Variants in GABRP observed in about 807,000 individuals in gnomAD.
GABRP encodes the protein gamma-aminobutyric acid receptor subunit pi.
In GABRP, 52 loss-of-function variants were observed where a neutral mutation model predicts 47.8. That is an observed-to-expected ratio of 1.09 (90% CI 0.87 to 1.37). The LOEUF (loss-of-function observed/expected upper bound fraction) is 1.37. Among genes scored for constraint, GABRP ranks in the 40% most tolerant of loss-of-function variants. The pLI is 0.00. For missense variants in GABRP, 525 were observed against 542.8 expected, an observed-to-expected ratio of 0.97 and a Z score of 0.33; for synonymous variants, 221 against 205.8, an observed-to-expected ratio of 1.07 and a Z score of -0.63.
intron 5 of GABRP, among the ~76,000 whole-genome samples, chr5:170,795,877 T>A (rs1295091557): frequency 6.6e-6 from 1 of 152,194 alleles, no homozygotes; most frequent in African/African-American, 2.4e-5. Context: ...TGGGGCCCAG[T>A]GGAACTGCAG....
intron 6 of GABRP, among the ~76,000 whole-genome samples, chr5:170,802,746 G>C (rs1274701770): frequency 6.8e-6 from 1 of 146,496 alleles, no homozygotes; most frequent in Non-Finnish European, 1.5e-5. Flanking sequence ...CCAGTGAGCG[G>C]AGGGAGCTTT....
chr5:170,811,322 C>T (rs1765877949), intron 9 of GABRP, among the ~76,000 whole-genome samples: 1 of 151,656 alleles, frequency 6.6e-6, no homozygotes, highest in South Asian at 2.1e-4. Flanking sequence ...GACTTCACTA[C>T]ACTCCCACAT....
intron 1 of GABRP, among the ~76,000 whole-genome samples, chr5:170,785,905 A>T (rs1021083288): frequency 6.6e-6 from 1 of 152,048 alleles, no homozygotes; most frequent in African/African-American, 2.4e-5. Flanking sequence ...GAGGGCCCCC[A>T]CTCTCCTTTG....
Position 170,812,341 on chromosome 5 carries a change from C to G in GABRP, c.*83C>G. ...AATGGTATTTTAGGCCAAGTGTGCA[C>G]CCACATCCAATGGTGCTACAAGTGA... On this transcript the variant is annotated 3_prime_UTR_variant, in exon 10 of 10. Transcript: ENST00000265294. The G allele has an allele frequency of 4.7e-6, 5 of 1,057,640 alleles. No individual in the cohort carries two copies. The highest frequency in any genetic ancestry group is 7.0e-6 in the Non-Finnish European group (5 of 714,376). 65.5% of individuals were successfully genotyped at this position (1,057,640 alleles called of 1,614,324 possible). A position where few individuals can be genotyped will look rare whatever the true frequency, so the allele number is the denominator to read the frequency against.
intron 4 of GABRP, 39 bp downstream of exon 4, chr5:170,794,337 T>C (rs752968026): frequency 5.8e-6 from 6 of 1,027,282 alleles, no homozygotes; most frequent in Non-Finnish European, 7.4e-6. Context: ...AAGTAGTCCC[T>C]CTCTGTGTGT....
At position 170,788,562 on chromosome 5, in the gene GABRP, CCT is replaced by C. The variant is rs1765183347; in HGVS notation, c.-42-11_-42-10del. ...GCACGGCCTTCCACTTACCTTGCCC[CCT>C]GTTTCCCAGGTGATTCCTACTTCAG... On this transcript the variant is annotated splice_polypyrimidine_tract_variant and intron_variant, in intron 1 of 9. Transcript: ENST00000265294. 4 of 1,592,314 alleles carry C rather than the reference CCT, an allele frequency of 2.5e-6. No individual in the cohort carries two copies. The Admixed American group carries it at 5.0e-5, about 20-fold the overall frequency.
upstream of GABRP, chr5:170,783,598 AG>A (rs1765057353): frequency 1.5e-5 from 1 of 66,628 alleles, no homozygotes; most frequent in Non-Finnish European, 4.0e-5. Flanking sequence ...CCAGAAACTC[AG>A]GACCAGACGA....
At chr5:170,785,865 G>C (rs1358041897) in intron 1 of GABRP, among the ~76,000 whole-genome samples, 1 of 152,212 alleles carries the variant, frequency 6.6e-6, no homozygotes, top group African/African-American at 2.4e-5. Flanking sequence ...GAGGCCGTGG[G>C]CAAGCCTGCA....
At chr5:170,810,066 G>T in intron 9 of GABRP, 1 of 645,800 alleles carries the variant, frequency 1.5e-6, no homozygotes, top group Non-Finnish European at 2.8e-6. Flanking sequence ...AAAAAAACAT[G>T]ATCAGCTGCT....
chr5:170,811,897 C>G, intron 9 of GABRP, 59 bp from the exon 10 acceptor site: 1 of 1,466,668 alleles, frequency 6.8e-7, no homozygotes, highest in Non-Finnish European at 9.4e-7. Flanking sequence ...AGCTCATTAC[C>G]TACTTATTTA....
Position 170,809,355 on chromosome 5 carries a change from C to T in GABRP, c.833-213C>T, listed in dbSNP as rs116631049. Reference sequence around the variant, plus strand: ...CACCCCCTCCCAGGAGAAGACAGAACGTGAAACATTAAAAAAAAACACATC... The same window carrying T: ...CACCCCCTCCCAGGAGAAGACAGAATGTGAAACATTAAAAAAAAACACATC... On this transcript the variant is annotated intron_variant, in intron 8 of 9. Transcript: ENST00000265294. Among the ~76,000 whole-genome samples, 1,061 of 152,108 alleles carry T rather than the reference C, an allele frequency of 7.0e-3. 17 individuals are homozygous for T. Among genetic ancestry groups the T allele is most frequent in the African/African-American group, 0.024 (989 of 41,478 alleles).
At chr5:170,799,045 C>T (rs1765517229) in intron 6 of GABRP, among the ~76,000 whole-genome samples, 1 of 150,088 alleles carries the variant, frequency 6.7e-6, no homozygotes, top group African/African-American at 2.5e-5. Flanking sequence ...GTTTTTTGTC[C>T]TTGTGATAGT....
At chr5:170,798,217 A>AT (rs1326327402) in intron 6 of GABRP, among the ~76,000 whole-genome samples, 1 of 151,992 alleles carries the variant, frequency 6.6e-6, no homozygotes, top group East Asian at 1.9e-4. Context: ...AATTTTTTGT[A>AT]TTTTTAGTAG....
At chr5:170,791,245 G>C (rs950678269) in intron 3 of GABRP, among the ~76,000 whole-genome samples, 1 of 152,230 alleles carries the variant, frequency 6.6e-6, no homozygotes, top group Non-Finnish European at 1.5e-5. Flanking sequence ...GGTGAAAATG[G>C]GGCATGGAGT....
At chr5:170,798,110 C>T (rs1027226155) in intron 6 of GABRP, among the ~76,000 whole-genome samples, 19 of 152,236 alleles carry the variant, frequency 1.2e-4, no homozygotes, top group African/African-American at 4.3e-4. Context: ...GGCGCGATCT[C>T]GGCTCACTGC....
intron 6 of GABRP, among the ~76,000 whole-genome samples, chr5:170,803,301 T>C (rs1765643049): frequency 6.6e-6 from 1 of 152,202 alleles, no homozygotes; most frequent in Non-Finnish European, 1.5e-5. Flanking sequence ...CATTTCCCAG[T>C]AGTCTTTGAA....
chr5:170,791,944 G>A (rs1422757046), intron 3 of GABRP, among the ~76,000 whole-genome samples: 1 of 152,206 alleles, frequency 6.6e-6, no homozygotes, highest in East Asian at 1.9e-4. Context: ...ATCAGATGGT[G>A]GAAGGTGAGA....
At chr5:170,791,523 C>T (rs1765268659) in intron 3 of GABRP, among the ~76,000 whole-genome samples, 1 of 152,202 alleles carries the variant, frequency 6.6e-6, no homozygotes, top group South Asian at 2.1e-4. Flanking sequence ...GCTTTGACCT[C>T]GTTCCTGGGA....
At chr5:170,802,176 T>G (rs1417364490) in intron 6 of GABRP, among the ~76,000 whole-genome samples, 1 of 152,230 alleles carries the variant, frequency 6.6e-6, no homozygotes. Context: ...TGATGTGTGA[T>G]GAATGAACTC....
Sources: gnomAD v4.1 joint callset for allele counts (sites outside exome capture counted in the v4.1 genomes callset) on GRCh38, gnomAD v4.1.1 for gene constraint, MANE v1.5 for transcripts, NCBI Gene and HGNC (gene_info 2026-07-23, HGNC 2026-07-21) for gene names.